FAM181A: variants seen among roughly 807,000 people sequenced by gnomAD.
FAM181A encodes the protein family with sequence similarity 181 member A, also known as protein FAM181A.
In FAM181A, 7 loss-of-function variants were observed where a neutral mutation model predicts 16.3. The observed-to-expected ratio is 0.43, with a 90% confidence interval of 0.24 to 0.81. The LOEUF (loss-of-function observed/expected upper bound fraction) is 0.81, where lower values mean the gene tolerates loss of function less well. FAM181A is among the 30% of genes least tolerant of loss of function. The pLI, the probability that FAM181A is intolerant of heterozygous loss-of-function variation, is 0.24. For synonymous variants in FAM181A, 183 were observed against 164.9 expected (o/e 1.11, Z -0.84); for missense variants, 349 against 377.5 (o/e 0.92, Z 0.63).
chr14:93,924,786 C>T (rs756348703), upstream of FAM181A, among the ~76,000 whole-genome samples: 44 of 152,364 alleles, frequency 2.9e-4, no homozygotes, highest in Middle Eastern at 3.4e-3. Flanking sequence ...TGGACACAGA[C>T]GGGCCTGGCT....
chr14:93,919,265 G>T (rs1246643816), intron 1 of FAM181A, among the ~76,000 whole-genome samples: 2 of 152,214 alleles, frequency 1.3e-5, no homozygotes, highest in Admixed American at 1.3e-4. Flanking sequence ...AACCCTGCCA[G>T]GGAACTGCCC....
chr14:93,924,046 CA>C (rs2141253060), upstream of FAM181A: 1 of 152,324 alleles, frequency 6.6e-6, no homozygotes, highest in African/African-American at 2.4e-5. Flanking sequence ...AAAAATAAGA[CA>C]GGAAGCAGCT....
upstream of FAM181A, chr14:93,926,366 T>G (rs561536847): frequency 5.3e-5 from 8 of 152,100 alleles, no homozygotes; most frequent in Admixed American, 5.2e-4. The surrounding 1 kb of genome is among the most constrained non-coding windows in gnomAD (Gnocchi z 5.2). Flanking sequence ...CCCGCCGGCG[T>G]TGGCACGGTG....
chr14:93,920,875 C>CGG (rs1279335999), intron 1 of FAM181A, among the ~76,000 whole-genome samples: 10 of 152,220 alleles, frequency 6.6e-5, no homozygotes, highest in Non-Finnish European at 1.3e-4. Flanking sequence ...GCTGAGCTCT[C>CGG]CTCTTTTCCT....
At chr14:93,921,466 G>A (rs1887721487) in intron 1 of FAM181A, among the ~76,000 whole-genome samples, 1 of 152,230 alleles carries the variant, frequency 6.6e-6, no homozygotes, top group Non-Finnish European at 1.5e-5. Context: ...GCCAGCCAGA[G>A]GGGTTGGCTT....
In FAM181A at chr14:93,919,701, G is replaced by A. The variant is rs562140757; in HGVS notation, c.-225+707G>A. On this transcript the variant is annotated intron_variant, in intron 1 of 2. Transcript: ENST00000267594. ...GTCCCACGTGGGTCTTCTTGTTGCC[G>A]AGAAAGTCCCACATAGGTCTTTCTC... Among the ~76,000 whole-genome samples the A allele has an allele frequency of 3.3e-5, 5 of 152,228 alleles. No homozygotes were observed. The East Asian group carries it at 9.7e-4, about 29-fold the overall frequency.
In FAM181A at chr14:93,928,573, G is replaced by A; in HGVS notation, c.288G>A (p.Lys96=). ...DSSPGGGGGC[K]EKVLRNPYRE... The stretch of plus-strand genomic sequence containing the variant: ...GCCCCGGCGGGGGTGGGGGCTGCAA[G>A]GAGAAGGTGCTGAGGAACCCCTACA... The change falls in exon 2 of 2, where the codon AAG becomes AAA. Residue 96 remains lysine (K), a synonymous_variant. Coordinates refer to ENST00000556222, the MANE Select transcript of FAM181A (RefSeq NM_001207073.2). 2 of 1,613,702 alleles carry A rather than the reference G, an allele frequency of 1.2e-6. No individual in the cohort carries two copies. Among genetic ancestry groups the A allele is most frequent in the Non-Finnish European group, 8.5e-7 (1 of 1,179,884 alleles).
chr14:93,925,472 C>T (rs1887869169), upstream of FAM181A: 1 of 1,056,628 alleles, frequency 9.5e-7, no homozygotes, highest in Admixed American at 2.6e-5. Context: ...CTGGTGGCCA[C>T]AGGCCCTCAG....
At chr14:93,923,761 G>A (rs1211314217), upstream of FAM181A, 1 of 152,276 alleles carries the variant, frequency 6.6e-6, no homozygotes, top group African/African-American at 2.4e-5. Flanking sequence ...CACAGCTCAT[G>A]TGCCTTTAAC....
intron 1 of FAM181A, among the ~76,000 whole-genome samples, chr14:93,919,311 A>G (rs948385334): frequency 1.3e-5 from 2 of 152,220 alleles, no homozygotes; most frequent in Non-Finnish European, 2.9e-5. Context: ...TAGGAGGCTC[A>G]GAGCTTACTG....
At chr14:93,925,107 C>T (rs1887851254), upstream of FAM181A, 3 of 602,814 alleles carry the variant, frequency 5.0e-6, no homozygotes, top group Non-Finnish European at 5.7e-6. Context: ...AAGACACCAA[C>T]TCACCTCCCA....
intron 1 of FAM181A, chr14:93,919,031 AG>A (rs1887628522): frequency 6.6e-6 from 1 of 152,240 alleles, no homozygotes. Flanking sequence ...CGTGCAGAGC[AG>A]GGGCGTGAAT....
At chr14:93,922,218 T>TA (rs1209072589) in intron 1 of FAM181A, 1 of 152,248 alleles carries the variant, frequency 6.6e-6, no homozygotes, top group Non-Finnish European at 1.5e-5. Flanking sequence ...TTTGGCAATT[T>TA]AAAACATTAC....
upstream of FAM181A, among the ~76,000 whole-genome samples, chr14:93,924,759 A>G (rs971452620): frequency 1.3e-5 from 2 of 152,250 alleles, no homozygotes; most frequent in Admixed American, 6.5e-5. Flanking sequence ...GTGGCCAGGC[A>G]GATCCAACTC....
At chr14:93,925,220 G>A (rs1253885566), upstream of FAM181A, 7 of 1,564,108 alleles carry the variant, frequency 4.5e-6, no homozygotes, top group Admixed American at 1.7e-5. Flanking sequence ...TGCAGGTGCC[G>A]TGGGATCTCA....
upstream of FAM181A, chr14:93,927,220 A>G (rs1343538624): frequency 1.1e-6 from 1 of 934,602 alleles, no homozygotes; most frequent in African/African-American, 1.8e-5. Context: ...GTGACGGCAA[A>G]GAATGTGGGA....
At position 93,928,276 on chromosome 14, in the gene FAM181A, C is replaced by T; in HGVS notation, c.-10C>T. On this transcript the variant is annotated 5_prime_UTR_variant, in exon 2 of 2. Transcript: ENST00000556222. ...CTTCATGGAAAGCCTCGTGCAGTGG[C>T]CCCCTGGTGATGGCATCCGACAGTG... is the stretch of plus-strand genomic sequence containing the variant. 1 of 1,613,688 alleles carries T rather than the reference C, an allele frequency of 6.2e-7. No homozygotes were observed. Among genetic ancestry groups the T allele is most frequent in the East Asian group, 2.2e-5 (1 of 44,886 alleles).
In FAM181A at chr14:93,928,525, C is replaced by T; in HGVS notation, c.240C>T (p.Leu80=). ...CTGAGGACCGGCCCAGGAGGCTGCTCCTGGATTTGGGCCCTGATTCCAGCC... is the reference window on the plus strand; with the variant it reads ...CTGAGGACCGGCCCAGGAGGCTGCTTCTGGATTTGGGCCCTGATTCCAGCC... ...RGSEDRPRRL[L]LDLGPDSSPG... Residue 80 remains leucine, a synonymous_variant, in exon 2 of 2, where the codon CTC becomes CTT. Transcript: ENST00000556222. 1.2e-6 allele frequency: 2 copies of T among 1,611,434 alleles called. No homozygotes were observed. Among genetic ancestry groups the T allele is most frequent in the Non-Finnish European group, 1.7e-6 (2 of 1,178,140 alleles).
upstream of FAM181A, among the ~76,000 whole-genome samples, chr14:93,924,825 T>C (rs931066835): frequency 6.6e-6 from 1 of 152,144 alleles, no homozygotes; most frequent in African/African-American, 2.4e-5. Context: ...GGTTAACAGC[T>C]GTGAAGCCTT....
Sources: allele counts gnomAD v4.1 joint callset (sites outside exome capture counted in the v4.1 genomes callset), GRCh38; gene constraint gnomAD v4.1.1; non-coding constraint Gnocchi (gnomAD v3.1); transcripts MANE v1.5; gene names NCBI Gene and HGNC (gene_info 2026-07-23, HGNC 2026-07-21).